Variants in WWOX observed in about 807,000 individuals in gnomAD.
WWOX encodes WW domain containing oxidoreductase.
A neutral mutation model predicts 46.2 loss-of-function variants in WWOX; 69 were observed. The observed-to-expected ratio is 1.49, with a 90% CI of 1.23 to 1.82. The LOEUF is 1.82. WWOX is among the 40% of genes most tolerant of loss of function. The pLI is 0.00. For missense variants in WWOX, 919 were observed against 542.6 expected (o/e 1.69, Z -6.89); for synonymous variants, 359 against 202.6 (o/e 1.77, Z -6.56).
At chr16:78,437,184 C>A (rs2083353462) in intron 8 of WWOX, among the ~76,000 whole-genome samples, 1 of 152,164 alleles carries the variant, frequency 6.6e-6, no homozygotes, top group South Asian at 2.1e-4. Flanking sequence ...TAGCTGGCTC[C>A]CTTAAGTATT....
chr16:79,045,570 A>C (rs977144920), intron 8 of WWOX, among the ~76,000 whole-genome samples: 2 of 152,124 alleles, frequency 1.3e-5, no homozygotes, highest in Non-Finnish European at 2.9e-5. Flanking sequence ...ACGGAGGCAG[A>C]ATTTAAAGCC....
chr16:78,854,725 C>T (rs191388981), intron 8 of WWOX, among the ~76,000 whole-genome samples: 1 of 152,122 alleles, frequency 6.6e-6, no homozygotes, highest in African/African-American at 2.4e-5. Context: ...GGATTACAGG[C>T]ACATGCCACC....
chr16:78,797,057 C>G (rs563500958), intron 8 of WWOX, among the ~76,000 whole-genome samples: 1 of 152,162 alleles, frequency 6.6e-6, no homozygotes, highest in African/African-American at 2.4e-5. Context: ...AACACCTGAT[C>G]TCAAGTGATC....
intron 8 of WWOX, among the ~76,000 whole-genome samples, chr16:78,622,774 A>T (rs982164302): frequency 4.5e-4 from 68 of 152,184 alleles, no homozygotes; most frequent in African/African-American, 1.6e-3. Context: ...AAGCAAAGGG[A>T]TTTTGGAAAT....
chr16:79,153,042 G>A (rs776519980), intron 8 of WWOX, among the ~76,000 whole-genome samples: 2 of 152,198 alleles, frequency 1.3e-5, no homozygotes, highest in Non-Finnish European at 2.9e-5. Flanking sequence ...AAGGAGACCT[G>A]CAGAGCGAGC....
chr16:79,119,216 T>C (rs749067990), intron 8 of WWOX, among the ~76,000 whole-genome samples: 1 of 151,994 alleles, frequency 6.6e-6, no homozygotes, highest in Non-Finnish European at 1.5e-5. Flanking sequence ...ATTACTAATA[T>C]GATAAACAAA....
chr16:78,905,291 T>G lies in WWOX; in HGVS notation c.1057-306317T>G, dbSNP rs181558867. On this transcript the variant is annotated intron_variant, in intron 8 of 8. Transcript: ENST00000566780. ...GTTGTATATTGAGCCCACACATATT[T>G]ACTTCCAATATGAAGCAAATCTAAG... Among the ~76,000 whole-genome samples, 708 of 152,340 alleles carry G rather than the reference T, an allele frequency of 4.6e-3. 10 individuals carry two copies. The highest frequency in any genetic ancestry group is 0.016 in the African/African-American group (675 of 41,572).
At chr16:78,825,939 C>T (rs1383006520) in intron 8 of WWOX, 3 of 812,888 alleles carry the variant, frequency 3.7e-6, no homozygotes, top group East Asian at 5.2e-5. Context: ...CCCACCACTC[C>T]CATCTCAGAA....
chr16:78,224,877 G>T lies in WWOX; in HGVS notation c.516+60588G>T. On this transcript the variant is annotated intron_variant, in intron 5 of 8. Transcript: ENST00000566780. ...AAGCTAAACATTATTTTTTATTGATGTGTTAACAATTTCTTTCTTTTGCAA... is the reference window on the plus strand; with the variant it reads ...AAGCTAAACATTATTTTTTATTGATTTGTTAACAATTTCTTTCTTTTGCAA... Among the ~76,000 whole-genome samples the T allele has an allele frequency of 1.3e-5, 2 of 152,078 alleles. 1 individual carries two copies.
intron 8 of WWOX, among the ~76,000 whole-genome samples, chr16:78,589,681 G>A (rs2045305373): frequency 6.6e-6 from 1 of 152,172 alleles, no homozygotes; most frequent in East Asian, 1.9e-4. Context: ...TACCTGGATT[G>A]CATCTAAAAA....
intron 8 of WWOX, among the ~76,000 whole-genome samples, chr16:78,779,547 C>T (rs1356373865): frequency 6.6e-6 from 1 of 152,184 alleles, no homozygotes; most frequent in Non-Finnish European, 1.5e-5. Flanking sequence ...GCATTGTGCT[C>T]AGCTCTTTGT....
Position 78,995,537 on chromosome 16 carries a change from A to G in WWOX, c.1057-216071A>G, listed in dbSNP as rs142454326. 1.4e-4 allele frequency among the ~76,000 whole-genome samples: 22 copies of G among 152,282 alleles called. No individual in the cohort carries two copies. The East Asian group carries it at 4.1e-3, about 28-fold the overall frequency. ...ACTTGGAGAGCATTCTTCTAACTGA[A>G]GATAAATATGGTTGCCACTGTCTTT... is the stretch of plus-strand genomic sequence containing the variant. On this transcript the variant is annotated intron_variant, in intron 8 of 8. Coordinates refer to ENST00000566780, the MANE Select transcript of WWOX (RefSeq NM_016373.4).
intron 8 of WWOX, among the ~76,000 whole-genome samples, chr16:78,931,224 C>T (rs1382915169): frequency 1.3e-5 from 2 of 152,054 alleles, no homozygotes; most frequent in African/African-American, 4.8e-5. Flanking sequence ...CTGACAAGAC[C>T]CTGGAGATGC....
intron 8 of WWOX, among the ~76,000 whole-genome samples, chr16:78,853,167 C>T (rs2052489065): frequency 6.6e-6 from 1 of 152,072 alleles, no homozygotes; most frequent in Non-Finnish European, 1.5e-5. Flanking sequence ...AATATGTTGC[C>T]ATGTATAGCC....
At chr16:79,049,619 C>T (rs973971540) in intron 8 of WWOX, among the ~76,000 whole-genome samples, 8 of 151,982 alleles carry the variant, frequency 5.3e-5, no homozygotes, top group Admixed American at 1.3e-4. Context: ...GGGTGGATCA[C>T]GAGGTCAGGA....
At chr16:78,590,021 T>G (rs2045313284) in intron 8 of WWOX, among the ~76,000 whole-genome samples, 1 of 152,186 alleles carries the variant, frequency 6.6e-6, no homozygotes, top group Non-Finnish European at 1.5e-5. Flanking sequence ...GCTTCTTACG[T>G]GTCACGCACT....
At chr16:78,758,438 T>A (rs2049711265) in intron 8 of WWOX, among the ~76,000 whole-genome samples, 1 of 152,214 alleles carries the variant, frequency 6.6e-6, no homozygotes, top group African/African-American at 2.4e-5. Context: ...AGGAGCCACC[T>A]TAATCATCCA....
chr16:78,488,779 C>T (rs894010565), intron 8 of WWOX, among the ~76,000 whole-genome samples: 7 of 152,178 alleles, frequency 4.6e-5, no homozygotes, highest in African/African-American at 1.7e-4. Flanking sequence ...GTCTTAGTTT[C>T]CTTACCTGTT....
At chr16:78,319,843 T>A (rs1279205034) in intron 5 of WWOX, among the ~76,000 whole-genome samples, 1 of 152,178 alleles carries the variant, frequency 6.6e-6, no homozygotes, top group Admixed American at 6.5e-5. Context: ...AGCAAAACTT[T>A]TACTCTTCAG....
Sources: allele counts gnomAD v4.1 joint callset (sites outside exome capture counted in the v4.1 genomes callset), GRCh38; gene constraint gnomAD v4.1.1; transcripts MANE v1.5; gene names NCBI Gene and HGNC (gene_info 2026-07-23, HGNC 2026-07-21).